CFAP45: variants seen among roughly 807,000 people sequenced by gnomAD.
CFAP45 encodes cilia and flagella associated protein 45, also known as cilia- and flagella-associated protein 45.
In CFAP45, 43 loss-of-function variants were observed where a neutral mutation model predicts 75.6. The observed-to-expected ratio is 0.57, with a 90% CI of 0.45 to 0.73. CFAP45 has a LOEUF of 0.73. Among genes scored for constraint, CFAP45 ranks in the 30% least tolerant of loss-of-function variants. The pLI is 0.00. For missense variants in CFAP45, 689 were observed against 701.5 expected, an observed-to-expected ratio of 0.98 and a Z score of 0.20; for synonymous variants, 223 against 244.6, an observed-to-expected ratio of 0.91 and a Z score of 0.82.
chr1:159,875,496 C>G (rs1419809913), intron 10 of CFAP45, among the ~76,000 whole-genome samples: 1 of 152,126 alleles, frequency 6.6e-6, no homozygotes, highest in South Asian at 2.1e-4. Context: ...GATAGAGGCT[C>G]CCGAAGACCT....
chr1:159,876,382 T>C, intron 10 of CFAP45, 174 bp downstream of exon 10: 1 of 611,962 alleles, frequency 1.6e-6, no homozygotes, highest in South Asian at 2.0e-5. Flanking sequence ...ACATAATTCT[T>C]GGCTCAAGTG....
chr1:159,877,506 G>T, intron 8 of CFAP45, 44 bp from the exon 9 acceptor site: 1 of 1,351,388 alleles, frequency 7.4e-7, no homozygotes, highest in Non-Finnish European at 1.1e-6. Flanking sequence ...CATTGCCCCA[G>T]CCTTGCAGAG....
At chr1:159,887,166 G>A (rs1649709987) in intron 5 of CFAP45, among the ~76,000 whole-genome samples, 1 of 152,090 alleles carries the variant, frequency 6.6e-6, no homozygotes, top group African/African-American at 2.4e-5. Flanking sequence ...TTTTTAAGCT[G>A]GAAGAGCCCA....
At chr1:159,894,266 T>G (rs1379459178) in intron 1 of CFAP45, among the ~76,000 whole-genome samples, 9 of 152,198 alleles carry the variant, frequency 5.9e-5, no homozygotes, top group African/African-American at 2.2e-4. Flanking sequence ...AGTTTCTCAT[T>G]ATCTGCCTAG....
rs1347849184 is a variant in CFAP45, at chr1:159,887,911, G to A, written c.518C>T (p.Ala173Val). Reference sequence around the variant, plus strand: ...GTTGGCTCTCTGCAGGAGGTTCTGGGCCCGTTCCTTGGCCACCTCCTCCAG... The same window carrying A: ...GTTGGCTCTCTGCAGGAGGTTCTGGACCCGTTCCTTGGCCACCTCCTCCAG... The part of the protein sequence containing the change: ...SDLEEVAKER[A>V]QNLLQRANKL... Residue 173 changes from alanine (A) to valine (V), a missense_variant, in exon 5 of 12, where the codon GCC (alanine) becomes GTC (valine). By Grantham distance (64) the Ala-to-Val change is moderately conservative (BLOSUM62 0). Coordinates refer to ENST00000368099, the MANE Select transcript of CFAP45 (RefSeq NM_012337.3). The A allele has an allele frequency of 6.2e-7, 1 of 1,614,206 alleles. No homozygotes were observed. Among genetic ancestry groups the A allele is most frequent in the South Asian group, 1.1e-5 (1 of 91,088 alleles).
chr1:159,900,146 G>A lies in CFAP45; in HGVS notation c.-48C>T, dbSNP rs781149497. On this transcript the variant is annotated 5_prime_UTR_variant, in exon 1 of 12. Transcript: ENST00000368099. ...TCCGGACTTCTGCTGCCGCCTCGGC[G>A]CCGCCAAGGCCCTAGTGTTGACGCG... The A allele has an allele frequency of 1.2e-6, 2 of 1,613,500 alleles. No homozygotes were observed. The highest frequency in any genetic ancestry group is 1.7e-5 in the Admixed American group (1 of 59,994).
chr1:159,876,346 A>T (rs558116244), intron 10 of CFAP45: 1 of 592,972 alleles, frequency 1.7e-6, no homozygotes, highest in South Asian at 2.1e-5. Flanking sequence ...AAGCAATTCC[A>T]GGTGCTATCT....
Position 159,886,639 on chromosome 1 carries a change from C to T in CFAP45, c.639G>A (p.Glu213=), listed in dbSNP as rs2501324. 2.6e-3 allele frequency: 4,228 copies of T among 1,614,114 alleles called. 100 individuals are homozygous for T. In the African/African-American group the frequency reaches 0.049, roughly 19 times the overall value. The stretch of plus-strand genomic sequence containing the variant: ...CCAGTTCTTTTTGGATCTGCTGCTT[C>T]TCCAGGATTTGGGCATCCCGGATGG... The part of the protein sequence containing the change: ...CHAIRDAQIL[E]KQQIQKELDT... The change falls in exon 6 of 12, where the codon GAG becomes GAA. Residue 213 remains glutamate (E), a synonymous_variant. Transcript: ENST00000368099.
chr1:159,880,781 G>A (rs1649531459), intron 7 of CFAP45, 81 bp from the exon 8 acceptor site: 1 of 1,375,200 alleles, frequency 7.3e-7, no homozygotes, highest in African/African-American at 1.4e-5. Context: ...GAGAGATGCA[G>A]ACAGAGGAGG....
intron 1 of CFAP45, among the ~76,000 whole-genome samples, chr1:159,893,999 G>C (rs1057269190): frequency 6.6e-6 from 1 of 151,968 alleles, no homozygotes; most frequent in Non-Finnish European, 1.5e-5. Flanking sequence ...GCAAAGAAAT[G>C]ACAAGTGTTT....
intron 1 of CFAP45, among the ~76,000 whole-genome samples, chr1:159,898,502 A>G (rs984818884): frequency 4.6e-5 from 7 of 152,154 alleles, no homozygotes; most frequent in African/African-American, 1.7e-4. Flanking sequence ...ACTTAGACCC[A>G]CTGCTTCTCA....
intron 5 of CFAP45, 26 bp downstream of exon 5, chr1:159,887,815 A>G: frequency 1.3e-6 from 2 of 1,595,160 alleles, no homozygotes; most frequent in Non-Finnish European, 1.7e-6. Flanking sequence ...GAATGCTCAG[A>G]GGGAAGGGAG....
intron 5 of CFAP45, 87 bp downstream of exon 5, chr1:159,887,754 T>A: frequency 7.5e-7 from 1 of 1,332,838 alleles, no homozygotes; most frequent in East Asian, 2.4e-5. Flanking sequence ...CCCCCACCAG[T>A]CCCTGGCCTT....
chr1:159,877,516 G>C (rs1170989205), intron 8 of CFAP45, 54 bp from the exon 9 acceptor site: 2 of 1,257,906 alleles, frequency 1.6e-6, no homozygotes, highest in East Asian at 2.3e-5. Context: ...GCCTTGCAGA[G>C]AGAAACAAAA....
Position 159,884,520 on chromosome 1 carries a change from C to G in CFAP45, c.813G>C (p.Glu271Asp). The stretch of plus-strand genomic sequence containing the variant: ...CCCGCTGCTCAGCAAGCAGCGATCG[C>G]TCCTCCTGGTTCTTTTCCATCTGTT... ...IVEQMEKNQE[E>D]RSLLAEQREQ... The change falls in exon 7 of 12, where the codon GAG (glutamate) becomes GAC (aspartate). Residue 271 changes from glutamate to aspartate, a missense_variant. Coordinates refer to ENST00000368099, the MANE Select transcript of CFAP45 (RefSeq NM_012337.3). 1 of 1,613,956 alleles carries G rather than the reference C, an allele frequency of 6.2e-7. No individual in the cohort carries two copies. The highest frequency in any genetic ancestry group is 1.3e-5 in the African/African-American group (1 of 75,042).
intron 10 of CFAP45, among the ~76,000 whole-genome samples, chr1:159,875,960 A>G (rs1014891203): frequency 5.3e-5 from 8 of 152,258 alleles, no homozygotes; most frequent in Non-Finnish European, 1.2e-4. Context: ...CTACCAAGGA[A>G]GAAAGATGGA....
chr1:159,885,558 CTCTGGGACTTGTCCTTT>C (rs1649658027), intron 6 of CFAP45, among the ~76,000 whole-genome samples: 2 of 152,196 alleles, frequency 1.3e-5, no homozygotes, highest in Admixed American at 1.3e-4. Context: ...AATTTACTTG[CTCTGGGACTTGTCCTTT>C]TCTGCACAAA....
intron 1 of CFAP45, among the ~76,000 whole-genome samples, chr1:159,894,440 G>A (rs1017562654): frequency 6.6e-6 from 1 of 152,200 alleles, no homozygotes; most frequent in Non-Finnish European, 1.5e-5. Context: ...AATCTTACAA[G>A]GTTATGGTGG....
At chr1:159,880,732 C>A in intron 7 of CFAP45, 32 bp from the exon 8 acceptor site, 1 of 1,610,580 alleles carries the variant, frequency 6.2e-7, no homozygotes. Context: ...CCTCAGAGTA[C>A]AAAGAGGTAA....
Sources: allele counts gnomAD v4.1 joint callset (sites outside exome capture counted in the v4.1 genomes callset), GRCh38; gene constraint gnomAD v4.1.1; transcripts MANE v1.5; gene names NCBI Gene and HGNC (gene_info 2026-07-23, HGNC 2026-07-21).